The following UQCRC1 variants were observed in gnomAD, a reference collection of about 807,000 sequenced individuals.
UQCRC1 encodes the protein cytochrome b-c1 complex subunit 1, mitochondrial.
In UQCRC1, 34 loss-of-function variants were observed where a neutral mutation model predicts 58.0. The observed-to-expected ratio is 0.59, with a 90% confidence interval of 0.45 to 0.78. UQCRC1 has a LOEUF of 0.78. Ranked by LOEUF, UQCRC1 falls within the 30% of genes least tolerant of loss-of-function variation. UQCRC1 has a pLI of 0.00. For synonymous variants in UQCRC1, 276 were observed against 248.8 expected, an observed-to-expected ratio of 1.11 and a Z score of -1.03; for missense variants, 610 against 646.0, an observed-to-expected ratio of 0.94 and a Z score of 0.60.
intron 2 of UQCRC1, 53 bp downstream of exon 2, chr3:48,609,109 A>G (rs888479183): frequency 1.2e-5 from 19 of 1,563,140 alleles, no homozygotes; most frequent in Non-Finnish European, 1.2e-5. Context: ...AACCAGGGAA[A>G]AGACGGCAGG....
intron 12 of UQCRC1, 159 bp downstream of exon 12, chr3:48,599,476 G>C: frequency 1.2e-6 from 1 of 809,260 alleles, no homozygotes; most frequent in Non-Finnish European, 1.9e-6. Flanking sequence ...GGTTTTCTGA[G>C]CAAGAACTCC....
intron 7 of UQCRC1, 23 bp downstream of exon 7, chr3:48,601,329 C>A: frequency 6.2e-7 from 1 of 1,612,884 alleles, no homozygotes. Context: ...CTGAGCACTA[C>A]TCCTGCCCAA....
At position 48,609,162 on chromosome 3, in the gene UQCRC1, C is replaced by A. The variant is rs1415649286; in HGVS notation, c.210G>T (p.Thr70=). ...CTCCCCAAAAGCGTCCCCAACTCAC[C>A]GTGCAAGTGGGCTGAGAGGACTGCT... ...ASEQSSQPTC[T]VGVWIDVGSR... The change falls in exon 2 of 13, where the codon ACG becomes ACT. Residue 70 remains threonine, a splice_region_variant and synonymous_variant. Coordinates refer to ENST00000203407, the MANE Select transcript of UQCRC1 (RefSeq NM_003365.3). 2 of 1,603,760 alleles carry A rather than the reference C, an allele frequency of 1.2e-6. No individual in the cohort carries two copies. Among genetic ancestry groups the A allele is most frequent in the East Asian group, 2.2e-5 (1 of 44,624 alleles).
intron 6 of UQCRC1, among the ~76,000 whole-genome samples, chr3:48,602,523 GT>G (rs1183025563): frequency 1.3e-3 from 163 of 128,666 alleles, no homozygotes; most frequent in Middle Eastern, 4.3e-3. Flanking sequence ...AAGCATGTTT[GT>G]TTTTTTTTTT....
intron 2 of UQCRC1, among the ~76,000 whole-genome samples, chr3:48,608,943 G>C (rs752191629): frequency 9.9e-5 from 15 of 152,122 alleles, no homozygotes; most frequent in Non-Finnish European, 1.8e-4. Context: ...CCTACTTAAC[G>C]GGCATTATAT....
Position 48,604,733 on chromosome 3 carries a change from G to C in UQCRC1, c.345C>G (p.Ser115Arg). The change falls in exon 4 of 13, where the codon AGC becomes AGG. Residue 115 changes from serine (S) to arginine (R), a missense_variant. Coordinates refer to ENST00000203407, the MANE Select transcript of UQCRC1 (RefSeq NM_003365.3). Reference sequence around the variant, plus strand: ...TGTAGGCATTAAGATGGGCCCCCATGCTCTCCACCTCCTTCTCCAGGGCAC... The same window carrying C: ...TGTAGGCATTAAGATGGGCCCCCATCCTCTCCACCTCCTTCTCCAGGGCAC... ...PGSALEKEVE[S>R]MGAHLNAYST... 2 of 1,614,110 alleles carry C rather than the reference G, an allele frequency of 1.2e-6. No individual in the cohort carries two copies. Among genetic ancestry groups the C allele is most frequent in the East Asian group, 2.2e-5 (1 of 44,872 alleles).
intron 2 of UQCRC1, among the ~76,000 whole-genome samples, chr3:48,608,763 G>T (rs1485210253): frequency 6.6e-6 from 1 of 152,188 alleles, no homozygotes; most frequent in Non-Finnish European, 1.5e-5. Flanking sequence ...TTCCTAAAAT[G>T]TATTTCTGGT....
chr3:48,604,983 G>A (rs1257511309), intron 3 of UQCRC1, among the ~76,000 whole-genome samples: 2 of 152,164 alleles, frequency 1.3e-5, no homozygotes, highest in South Asian at 2.1e-4. Context: ...TGCGCCAACA[G>A]AACAGAGATA....
Position 48,609,636 on chromosome 3 carries a change from G to T in UQCRC1, c.-16C>A. On this transcript the variant is annotated 5_prime_UTR_variant, in exon 1 of 13. Coordinates refer to ENST00000203407, the MANE Select transcript of UQCRC1 (RefSeq NM_003365.3). Reference sequence around the variant, plus strand: ...ACGCCGCCATCTTCCAGCTGCAGTCGGCCCTGTTGCGCCGCGCAAGCGTAG... The same window carrying T: ...ACGCCGCCATCTTCCAGCTGCAGTCTGCCCTGTTGCGCCGCGCAAGCGTAG... 1 of 1,552,092 alleles carries T rather than the reference G, an allele frequency of 6.4e-7. No individual in the cohort carries two copies.
In UQCRC1 at chr3:48,609,118, G is replaced by A. The variant is rs139272906; in HGVS notation, c.210+44C>T. Reference sequence around the variant, plus strand: ...CACCCCAACCAGGGAAAAGACGGCAGGCCCAACCTGGAGGCCCTCTCCCCA... The same window carrying A: ...CACCCCAACCAGGGAAAAGACGGCAAGCCCAACCTGGAGGCCCTCTCCCCA... On this transcript the variant is annotated intron_variant, in intron 2 of 12. Coordinates refer to ENST00000203407, the MANE Select transcript of UQCRC1 (RefSeq NM_003365.3). The A allele has an allele frequency of 8.3e-4, 1,308 of 1,572,018 alleles. 2 individuals are homozygous for A. Among genetic ancestry groups the A allele is most frequent in the South Asian group, 1.7e-3 (147 of 87,670 alleles).
rs201250580 is a variant in UQCRC1, at chr3:48,605,802, C to T, written c.265G>A (p.Ala89Thr). Residue 89 changes from alanine to threonine, a missense_variant, in exon 3 of 13, where the codon GCA becomes ACA. Ala to Thr is a moderately conservative substitution (Grantham distance 58). Coordinates refer to ENST00000203407, the MANE Select transcript of UQCRC1 (RefSeq NM_003365.3). Reference protein sequence around the residue: ...SRFETEKNNGAGYFLEHLAFK... With the variant: ...SRFETEKNNGTGYFLEHLAFK... Reference sequence around the variant, plus strand: ...GCCAGATGCTCCAAAAAGTAGCCTGCCCCATTATTCTTCTCAGTCTCAAAA... The same window carrying T: ...GCCAGATGCTCCAAAAAGTAGCCTGTCCCATTATTCTTCTCAGTCTCAAAA... The T allele has an allele frequency of 2.2e-5, 35 of 1,613,874 alleles. No homozygotes were observed. In the South Asian group the frequency reaches 3.3e-4, roughly 15 times the overall value.
At chr3:48,607,049 G>GT (rs1302489328) in intron 2 of UQCRC1, among the ~76,000 whole-genome samples, 1,826 of 145,396 alleles carry the variant, frequency 0.013, 33 homozygotes, top group Non-Finnish European at 0.013. Context: ...GTGTGTGTGT[G>GT]TTTTTTTTTT....
At chr3:48,603,423 G>T in intron 6 of UQCRC1, 141 bp downstream of exon 6, 2 of 754,026 alleles carry the variant, frequency 2.7e-6, no homozygotes, top group Non-Finnish European at 4.4e-6. Context: ...GAGCACAGGA[G>T]GAAGGTCATT....
intron 2 of UQCRC1, 60 bp from the exon 3 acceptor site, chr3:48,605,916 A>T (rs1267805313): frequency 3.9e-6 from 6 of 1,522,936 alleles, no homozygotes; most frequent in Non-Finnish European, 5.4e-6. Flanking sequence ...CCCTACTCAC[A>T]CCCCACCTGA....
At chr3:48,602,609 G>A (rs1019815618) in intron 6 of UQCRC1, among the ~76,000 whole-genome samples, 20 of 147,074 alleles carry the variant, frequency 1.4e-4, no homozygotes, top group African/African-American at 7.6e-5. Context: ...TGCAACCTCC[G>A]TCCCCCGGGT....
chr3:48,609,289 C>A lies in UQCRC1; in HGVS notation c.83G>T (p.Arg28Leu), dbSNP rs751152790. 2.4e-5 allele frequency: 39 copies of A among 1,609,056 alleles called. No homozygotes were observed. In the South Asian group the frequency reaches 4.2e-4, roughly 17 times the overall value. ...LRARRSPALLRTPALRSTATF... is the reference protein window; with the variant it reads ...LRARRSPALLLTPALRSTATF... ...TGCCGTACTCCGCAAGGCTGGCGTC[C>A]GCAGCAGGGCCGGCTGTGGAAGGGA... is the stretch of plus-strand genomic sequence containing the variant. Residue 28 changes from arginine to leucine, a missense_variant, in exon 2 of 13, where the codon CGG (arginine) becomes CTG (leucine). Transcript: ENST00000203407.
chr3:48,602,749 C>G (rs979958524), intron 6 of UQCRC1, among the ~76,000 whole-genome samples: 1 of 151,610 alleles, frequency 6.6e-6, no homozygotes, highest in East Asian at 2.0e-4. Flanking sequence ...TCTCGAACTC[C>G]TTACCTCAGG....
chr3:48,607,721 G>A (rs575560706), intron 2 of UQCRC1, among the ~76,000 whole-genome samples: 7 of 152,014 alleles, frequency 4.6e-5, no homozygotes, highest in South Asian at 2.1e-4. Context: ...ACTGTGCCCC[G>A]CCCACAAGTG....
At chr3:48,607,331 G>A (rs1480658978) in intron 2 of UQCRC1, among the ~76,000 whole-genome samples, 1 of 151,978 alleles carries the variant, frequency 6.6e-6, no homozygotes, top group Non-Finnish European at 1.5e-5. Flanking sequence ...GTGAGCCACC[G>A]CGTCTAGCCT....
Sources: allele counts gnomAD v4.1 joint callset (sites outside exome capture counted in the v4.1 genomes callset), GRCh38; gene constraint gnomAD v4.1.1; transcripts MANE v1.5; gene names NCBI Gene and HGNC (gene_info 2026-07-23, HGNC 2026-07-21).